The following CNTNAP3 variants were observed in gnomAD, a reference collection of about 807,000 sequenced individuals.
CNTNAP3 encodes contactin-associated protein-like 3.
A neutral mutation model predicts 92.1 loss-of-function variants in CNTNAP3; 36 were observed. The ratio of observed to expected loss-of-function variants is 0.39; its 90% CI spans 0.30 to 0.52. The LOEUF is 0.52. CNTNAP3 is among the 20% of genes least tolerant of loss of function. CNTNAP3 has a pLI of 0.76. For missense variants in CNTNAP3, 534 were observed against 1,069.6 expected (o/e 0.50, Z 6.98); for synonymous variants, 232 against 422.3 (o/e 0.55, Z 5.53).
Position 39,066,068 on chromosome 9 carries a change from T to G in CNTNAP3, c.*7822A>C, listed in dbSNP as rs1231097714. On this transcript the variant is annotated 3_prime_UTR_variant, in exon 24 of 24. Transcript: ENST00000297668. ...TCTTTTTTGTCTACTTTCAAGCATT[T>G]AAAAATTTATTCTATTTCATCGCTG... 1.3e-5 allele frequency among the ~76,000 whole-genome samples: 2 copies of G among 152,240 alleles called. No individual in the cohort carries two copies. Among genetic ancestry groups the G allele is most frequent in the Non-Finnish European group, 2.9e-5 (2 of 68,038 alleles).
At chr9:39,139,020 T>C (rs1821507167) in intron 12 of CNTNAP3, among the ~76,000 whole-genome samples, 1 of 152,190 alleles carries the variant, frequency 6.6e-6, no homozygotes, top group Admixed American at 6.5e-5. Context: ...CATTTCAAGC[T>C]ATTAGAGTAG....
At chr9:39,139,574 TG>T (rs1341185100) in intron 12 of CNTNAP3, among the ~76,000 whole-genome samples, 2 of 152,174 alleles carry the variant, frequency 1.3e-5, no homozygotes, top group East Asian at 3.9e-4. Context: ...TCCAAATTTA[TG>T]AAACTTTTGA....
chr9:39,088,134 T>C (rs988107192), intron 19 of CNTNAP3, among the ~76,000 whole-genome samples: 4 of 152,030 alleles, frequency 2.6e-5, no homozygotes, highest in African/African-American at 4.8e-5. Context: ...CAAAACCAAT[T>C]TGAGTCATCA....
At chr9:39,179,320 C>CAT (rs1822405927) in intron 4 of CNTNAP3, among the ~76,000 whole-genome samples, 1 of 132,578 alleles carries the variant, frequency 7.5e-6, no homozygotes, top group Non-Finnish European at 1.6e-5. Flanking sequence ...CACACACACA[C>CAT]ACACACACAC....
At chr9:39,091,737 C>G (rs1368537287) in intron 18 of CNTNAP3, among the ~76,000 whole-genome samples, 4 of 151,688 alleles carry the variant, frequency 2.6e-5, no homozygotes, top group African/African-American at 9.7e-5. Flanking sequence ...GGAAAATGCT[C>G]CTTTCTCTTT....
Position 39,080,746 on chromosome 9 carries a change from C to T in CNTNAP3, c.3443-1826G>A, listed in dbSNP as rs1825913915. Reference sequence around the variant, plus strand: ...GCGCGATCTCGGCTCACTGCAACCTCCGCCTCCCAGGTACAAGCGATTCTC... The same window carrying T: ...GCGCGATCTCGGCTCACTGCAACCTTCGCCTCCCAGGTACAAGCGATTCTC... On this transcript the variant is annotated intron_variant, in intron 21 of 23. Transcript: ENST00000297668. 2.2e-5 allele frequency among the ~76,000 whole-genome samples: 3 copies of T among 134,286 alleles called. 1 individual carries two copies. The South Asian group carries it at 7.4e-4, about 33-fold the overall frequency. The allele number at this position is 134,286 out of a possible 152,430, so 88.1% of individuals were successfully genotyped here.
chr9:39,104,960 GACACTTTAAGGTTACAGAA>G (rs1167667400), intron 15 of CNTNAP3, among the ~76,000 whole-genome samples: 1 of 152,006 alleles, frequency 6.6e-6, no homozygotes, highest in African/African-American at 2.4e-5. Context: ...ATGTATTTTT[GACACTTTAAGGTTACAGAA>G]ACACAACTTT....
intron 21 of CNTNAP3, among the ~76,000 whole-genome samples, chr9:39,081,688 G>A (rs992678147): frequency 1.3e-5 from 2 of 151,840 alleles, no homozygotes; most frequent in African/African-American, 2.4e-5. Flanking sequence ...CTTACAAAAG[G>A]GTGCCACTTG....
chr9:39,129,498 A>C (rs1326406742), intron 13 of CNTNAP3, among the ~76,000 whole-genome samples: 1 of 152,226 alleles, frequency 6.6e-6, no homozygotes, highest in Non-Finnish European at 1.5e-5. Flanking sequence ...GCATGGAATT[A>C]AAAGTAAAAG....
intron 18 of CNTNAP3, among the ~76,000 whole-genome samples, chr9:39,097,925 G>C (rs1826363224): frequency 6.6e-6 from 1 of 150,590 alleles, no homozygotes; most frequent in Non-Finnish European, 1.5e-5. Flanking sequence ...TATGAGAGAG[G>C]GTTTACAGAG....
chr9:39,074,776 C>CT (rs1825709062), intron 23 of CNTNAP3, among the ~76,000 whole-genome samples: 1 of 151,982 alleles, frequency 6.6e-6, no homozygotes, highest in African/African-American at 2.4e-5. Context: ...ATACACTTTT[C>CT]TTTTTTTTCT....
intron 23 of CNTNAP3, among the ~76,000 whole-genome samples, chr9:39,076,859 T>C (rs1359235821): frequency 6.6e-6 from 1 of 152,274 alleles, no homozygotes; most frequent in South Asian, 2.1e-4. Context: ...CCCCAGCTAC[T>C]TGGGCTGCTG....
intron 18 of CNTNAP3, among the ~76,000 whole-genome samples, chr9:39,097,785 C>T (rs980667119): frequency 1.4e-5 from 2 of 147,894 alleles, no homozygotes; most frequent in Non-Finnish European, 3.0e-5. Context: ...GGCTTAAATG[C>T]CTCAAACTCT....
chr9:39,118,268 C>G lies in CNTNAP3; in HGVS notation c.2081-9G>C. On this transcript the variant is annotated splice_polypyrimidine_tract_variant and intron_variant, in intron 13 of 23. Coordinates refer to ENST00000297668, the MANE Select transcript of CNTNAP3 (RefSeq NM_033655.5). ...GCTCAGTGGGGTTCCATCTGAAAGA[C>G]AAGTATAAGAAACATGACATCTACT... 6.2e-7 allele frequency: 1 copy of G among 1,613,024 alleles called. No individual in the cohort carries two copies. Among genetic ancestry groups the G allele is most frequent in the Non-Finnish European group, 8.5e-7 (1 of 1,179,648 alleles).
At chr9:39,141,655 C>T (rs1479715134) in intron 11 of CNTNAP3, among the ~76,000 whole-genome samples, 2 of 152,050 alleles carry the variant, frequency 1.3e-5, no homozygotes, top group East Asian at 1.9e-4. Flanking sequence ...TATTTTTTTG[C>T]CACTTATGGC....
chr9:39,086,140 T>C, intron 20 of CNTNAP3: 1 of 439,266 alleles, frequency 2.3e-6, no homozygotes, highest in Non-Finnish European at 4.2e-6. Context: ...CTTAAATATG[T>C]ACTCATTCTG....
At position 39,071,004 on chromosome 9, in the gene CNTNAP3, C is replaced by G. The variant is rs1050369004; in HGVS notation, c.*2886G>C. On this transcript the variant is annotated 3_prime_UTR_variant, in exon 24 of 24. Transcript: ENST00000297668. ...GATTGAAGTTAAGAGAGAGAAGTGC[C>G]AGGAGTTCAGTCCACGCATGACAAC... Among the ~76,000 whole-genome samples the G allele has an allele frequency of 9.8e-5, 15 of 152,328 alleles. No individual in the cohort carries two copies. The highest frequency in any genetic ancestry group is 3.4e-4 in the African/African-American group (14 of 41,584).
chr9:39,139,614 C>G (rs1490996887), intron 12 of CNTNAP3: 1 of 152,150 alleles, frequency 6.6e-6, no homozygotes, highest in Non-Finnish European at 1.5e-5. Flanking sequence ...TAAATGAGAA[C>G]AGTTTATTCC....
intron 12 of CNTNAP3, among the ~76,000 whole-genome samples, chr9:39,133,694 T>G (rs1821360147): frequency 6.6e-6 from 1 of 151,932 alleles, no homozygotes; most frequent in South Asian, 2.1e-4. Flanking sequence ...TTCCAGGCGG[T>G]GACCCTGAGC....
Sources: allele counts gnomAD v4.1 joint callset (sites outside exome capture counted in the v4.1 genomes callset), GRCh38; gene constraint gnomAD v4.1.1; transcripts MANE v1.5; gene names NCBI Gene and HGNC (gene_info 2026-07-23, HGNC 2026-07-21).